DOCK1: variants seen among roughly 807,000 people sequenced by gnomAD.
The protein encoded by DOCK1 is dedicator of cytokinesis protein 1.
In DOCK1, 138 loss-of-function variants were observed where a neutral mutation model predicts 262.7. The observed-to-expected ratio is 0.53, with a 90% CI of 0.46 to 0.61. The LOEUF (loss-of-function observed/expected upper bound fraction) is 0.61, where lower values mean the gene tolerates loss of function less well. Among genes scored for constraint, DOCK1 ranks in the 20% least tolerant of loss-of-function variants. DOCK1 has a pLI of 0.00. For missense variants in DOCK1, 1,908 were observed against 2,370.7 expected (o/e 0.80, Z 4.05); for synonymous variants, 866 against 867.4 (o/e 1.00, Z 0.03).
intron 4 of DOCK1, among the ~76,000 whole-genome samples, chr10:126,982,869 A>G (rs1033598629): frequency 1.3e-5 from 2 of 152,248 alleles, no homozygotes; most frequent in Non-Finnish European, 2.9e-5. Flanking sequence ...CTGTGGAAGT[A>G]ACTGGATCAA....
chr10:127,432,170 A>G (rs1011423790), intron 47 of DOCK1, among the ~76,000 whole-genome samples: 3 of 152,168 alleles, frequency 2.0e-5, no homozygotes, highest in Non-Finnish European at 2.9e-5. Context: ...GTTGGGGACA[A>G]CTGCTTTACA....
intron 23 of DOCK1, among the ~76,000 whole-genome samples, chr10:127,063,924 C>T (rs997489370): frequency 2.6e-5 from 4 of 152,116 alleles, no homozygotes; most frequent in Admixed American, 6.5e-5. Flanking sequence ...AGACGCACGG[C>T]GTTTTATTAG....
intron 35 of DOCK1, among the ~76,000 whole-genome samples, chr10:127,374,474 C>A (rs757479751): frequency 6.6e-6 from 1 of 152,188 alleles, no homozygotes; most frequent in Non-Finnish European, 1.5e-5. Flanking sequence ...CCGTATCTTG[C>A]AGCCAGGGTA....
chr10:127,319,931 T>C (rs1453034972), intron 29 of DOCK1, among the ~76,000 whole-genome samples: 2 of 152,166 alleles, frequency 1.3e-5, no homozygotes, highest in Non-Finnish European at 2.9e-5. Context: ...TGTCCAGTGG[T>C]CCACTTGTCT....
intron 28 of DOCK1, among the ~76,000 whole-genome samples, chr10:127,253,494 C>G (rs776403741): frequency 1.3e-5 from 2 of 152,248 alleles, no homozygotes; most frequent in Non-Finnish European, 2.9e-5. Context: ...GCTTATCTGA[C>G]CTTACTCAGA....
intron 10 of DOCK1, among the ~76,000 whole-genome samples, chr10:127,004,080 C>G (rs968640150): frequency 9.9e-5 from 15 of 151,854 alleles, no homozygotes; most frequent in African/African-American, 3.6e-4. Flanking sequence ...TGGTGAAACC[C>G]TGTCTCTACT....
At chr10:127,081,580 GTC>G (rs1448808047) in intron 23 of DOCK1, among the ~76,000 whole-genome samples, 1 of 152,080 alleles carries the variant, frequency 6.6e-6, no homozygotes, top group Non-Finnish European at 1.5e-5. Flanking sequence ...TTCCTGGTGA[GTC>G]TCTGCCCTGT....
At chr10:127,192,991 A>C (rs1172842124) in intron 27 of DOCK1, among the ~76,000 whole-genome samples, 1 of 152,214 alleles carries the variant, frequency 6.6e-6, no homozygotes, top group Admixed American at 6.5e-5. Context: ...GACTTCTCTC[A>C]ATGTTTGTAT....
intron 27 of DOCK1, among the ~76,000 whole-genome samples, chr10:127,130,983 C>T (rs1231397194): frequency 6.6e-6 from 1 of 152,154 alleles, no homozygotes; most frequent in Non-Finnish European, 1.5e-5. Context: ...ATGTCGTATC[C>T]ATGGTCCAAC....
chr10:127,120,922 G>C (rs2049518547), intron 25 of DOCK1, among the ~76,000 whole-genome samples: 1 of 152,056 alleles, frequency 6.6e-6, no homozygotes. Flanking sequence ...GCTCATATTT[G>C]CTAAATACAC....
chr10:126,947,479 GTGA>G (rs1485542433), intron 1 of DOCK1, among the ~76,000 whole-genome samples: 42 of 129,232 alleles, frequency 3.2e-4, no homozygotes, highest in East Asian at 5.1e-4. Flanking sequence ...ACTGTTGGTG[GTGA>G]TGGTGGTGGT....
At chr10:127,104,663 T>C (rs533025662) in intron 23 of DOCK1, among the ~76,000 whole-genome samples, 1 of 152,338 alleles carries the variant, frequency 6.6e-6, no homozygotes, top group Admixed American at 6.5e-5. Context: ...ATTTTGAGCT[T>C]TATTGCAATT....
chr10:127,383,392 G>A (rs2065924778), intron 37 of DOCK1, among the ~76,000 whole-genome samples: 1 of 152,214 alleles, frequency 6.6e-6, no homozygotes, highest in Non-Finnish European at 1.5e-5. Flanking sequence ...TCAGAATCTA[G>A]TTTTGCTTTT....
chr10:127,306,282 T>C (rs1380464846), intron 29 of DOCK1, among the ~76,000 whole-genome samples: 2 of 152,224 alleles, frequency 1.3e-5, no homozygotes, highest in Admixed American at 1.3e-4. Context: ...TCCAGAGTGC[T>C]GGGATTACAG....
chr10:127,338,555 C>T (rs1269143677), intron 29 of DOCK1, among the ~76,000 whole-genome samples: 2 of 152,266 alleles, frequency 1.3e-5, no homozygotes, highest in East Asian at 3.9e-4. Flanking sequence ...GCTTCCAAGC[C>T]TGGAGATATT....
intron 1 of DOCK1, among the ~76,000 whole-genome samples, chr10:126,963,037 A>G (rs1253745647): frequency 1.3e-5 from 2 of 152,146 alleles, no homozygotes; most frequent in African/African-American, 4.8e-5. Flanking sequence ...TTGACTTTCT[A>G]TGTGAGGGTT....
rs772338661 is a variant in DOCK1, at chr10:127,418,379, C to T, written c.4530C>T (p.Pro1510=). The change falls in exon 45 of 52, where the codon CCC becomes CCT. Residue 1510 remains proline (P), a synonymous_variant. Transcript: ENST00000623213. Reference sequence around the variant, plus strand: ...TCTCTTTGCAGGTGGAAATCAGCCCCCTGGAGAATGCCATTGAGACCATGC... The same window carrying T: ...TCTCTTTGCAGGTGGAAATCAGCCCTCTGGAGAATGCCATTGAGACCATGC... ...VKSVFMVEIS[P]LENAIETMQL... The T allele has an allele frequency of 2.3e-4, 369 of 1,612,656 alleles. No homozygotes were observed. The highest frequency in any genetic ancestry group is 3.1e-4 in the Non-Finnish European group (361 of 1,179,362).
chr10:126,939,113 G>A (rs2034797448), intron 1 of DOCK1, among the ~76,000 whole-genome samples: 1 of 151,974 alleles, frequency 6.6e-6, no homozygotes, highest in African/African-American at 2.4e-5. Context: ...ACACAGGAGG[G>A]GATGAACACC....
intron 29 of DOCK1, among the ~76,000 whole-genome samples, chr10:127,289,533 C>G (rs1237307492): frequency 1.3e-5 from 2 of 152,110 alleles, no homozygotes; most frequent in Non-Finnish European, 2.9e-5. Flanking sequence ...GTAAATAATA[C>G]TCAATTGAAT....
Sources: allele counts gnomAD v4.1 joint callset (sites outside exome capture counted in the v4.1 genomes callset), GRCh38; gene constraint gnomAD v4.1.1; transcripts MANE v1.5; gene names NCBI Gene and HGNC (gene_info 2026-07-23, HGNC 2026-07-21).